PALM2AKAP2: variants seen among roughly 807,000 people sequenced by gnomAD.
PALM2AKAP2 encodes PALM2 and AKAP2 fusion.
Under a neutral mutation model 71.5 loss-of-function variants are expected in PALM2AKAP2, and 37 were observed. The observed-to-expected ratio is 0.52, with a 90% CI of 0.40 to 0.68. The LOEUF is 0.68. PALM2AKAP2 is among the 30% of genes least tolerant of loss of function. The pLI, the probability that PALM2AKAP2 is intolerant of heterozygous loss-of-function variation, is 0.00. For synonymous variants in PALM2AKAP2, 468 were observed against 478.8 expected, an observed-to-expected ratio of 0.98 and a Z score of 0.29; for missense variants, 1,224 against 1,191.8, an observed-to-expected ratio of 1.03 and a Z score of -0.40.
At chr9:109,910,672 G>T (rs1325860001) in intron 3 of PALM2AKAP2, among the ~76,000 whole-genome samples, 2 of 152,218 alleles carry the variant, frequency 1.3e-5, no homozygotes, top group East Asian at 3.8e-4. Flanking sequence ...AGCAGACGCA[G>T]CAGGGCATGA....
chr9:109,994,253 G>A (rs1832533777), intron 6 of PALM2AKAP2, among the ~76,000 whole-genome samples: 1 of 152,208 alleles, frequency 6.6e-6, no homozygotes, highest in African/African-American at 2.4e-5. Context: ...AGATGAATTT[G>A]CACATGACGG....
chr9:110,115,306 G>C (rs1835339299), intron 1 of PALM2AKAP2, among the ~76,000 whole-genome samples: 1 of 152,232 alleles, frequency 6.6e-6, no homozygotes, highest in African/African-American at 2.4e-5. Context: ...GTCAGAACCA[G>C]GGTCAGGTCG....
At chr9:109,910,791 C>G (rs779367937) in intron 3 of PALM2AKAP2, among the ~76,000 whole-genome samples, 1 of 151,976 alleles carries the variant, frequency 6.6e-6, no homozygotes, top group Non-Finnish European at 1.5e-5. Context: ...GGAGCAGACG[C>G]AGCAGGGCGG....
chr9:110,133,959 A>G (rs1197752871), intron 1 of PALM2AKAP2, among the ~76,000 whole-genome samples: 1 of 152,218 alleles, frequency 6.6e-6, no homozygotes, highest in Non-Finnish European at 1.5e-5. Context: ...AGTTACTGAC[A>G]ATGTCTCATC....
At chr9:110,135,164 A>AAAATAT in intron 1 of PALM2AKAP2, among the ~76,000 whole-genome samples, 8 of 51,714 alleles carry the variant, frequency 1.5e-4, no homozygotes, top group Admixed American at 4.3e-4. Context: ...AAAAAAAAAA[A>AAAATAT]ATATATAAAT....
intron 1 of PALM2AKAP2, among the ~76,000 whole-genome samples, chr9:109,802,100 T>C (rs941698778): frequency 2.6e-5 from 4 of 152,216 alleles, no homozygotes; most frequent in Non-Finnish European, 5.9e-5. Flanking sequence ...TTCTTCTCAC[T>C]GTGGGATGGA....
chr9:109,715,548 A>G (rs1046431227), intron 1 of PALM2AKAP2, among the ~76,000 whole-genome samples: 1 of 152,174 alleles, frequency 6.6e-6, no homozygotes, highest in African/African-American at 2.4e-5. Context: ...CCAGCCGCTC[A>G]GCCTGCTGTC....
intron 1 of PALM2AKAP2, among the ~76,000 whole-genome samples, chr9:110,052,149 G>A (rs555785228): frequency 6.2e-4 from 94 of 152,214 alleles, no homozygotes; most frequent in South Asian, 2.1e-3. Context: ...TGATCTGCCC[G>A]CCTCGGCCTC....
At position 109,991,244 on chromosome 9, in the gene PALM2AKAP2, C is replaced by CT. The variant is rs956877791; in HGVS notation, c.497-24700dup. 3.3e-4 allele frequency among the ~76,000 whole-genome samples: 46 copies of CT among 137,614 alleles called. 1 individual carries two copies. The highest frequency in any genetic ancestry group is 5.1e-4 in the Admixed American group (7 of 13,716). The allele number at this position is 137,614 out of a possible 152,430, so 90.3% of individuals were successfully genotyped here. A position where few individuals can be genotyped will look rare whatever the true frequency, so the allele number is the denominator to read the frequency against. ...TAACCATCATCACATTTTTTTTTTT[C>CT]TTTTTTTTTTAAGACAGAGTCTCCC... On this transcript the variant is annotated intron_variant, in intron 6 of 9. Transcript: ENST00000302798.
In PALM2AKAP2 at chr9:109,783,962, T is replaced by C. The variant is rs1826894294; in HGVS notation, c.45+3429T>C. ...AAACTACAGTGCTTTAATGGAATCTTCCATTTGGATCCAGGAACTAATCAA... is the reference window on the plus strand; with the variant it reads ...AAACTACAGTGCTTTAATGGAATCTCCCATTTGGATCCAGGAACTAATCAA... On this transcript the variant is annotated intron_variant, in intron 1 of 9. Transcript: ENST00000302798. 3.9e-5 allele frequency among the ~76,000 whole-genome samples: 6 copies of C among 152,216 alleles called. No individual in the cohort carries two copies. The South Asian group carries it at 1.0e-3, about 26-fold the overall frequency.
intron 1 of PALM2AKAP2, among the ~76,000 whole-genome samples, chr9:109,855,622 A>G (rs1299943263): frequency 6.6e-6 from 1 of 152,198 alleles, no homozygotes; most frequent in Non-Finnish European, 1.5e-5. Flanking sequence ...GACAATCACT[A>G]TATTTTCTCA....
At chr9:109,651,056 A>T (rs13440038) in intron 1 of PALM2AKAP2, among the ~76,000 whole-genome samples, 12,759 of 151,888 alleles carry the variant, frequency 0.084, 640 homozygotes, top group East Asian at 0.23. Context: ...TCCATTTTCT[A>T]CCCTTCCCTG....
chr9:110,037,665 T>C (rs1001760818), intron 7 of PALM2AKAP2, among the ~76,000 whole-genome samples: 4 of 152,206 alleles, frequency 2.6e-5, no homozygotes, highest in African/African-American at 9.6e-5. Flanking sequence ...AAGATGGTGA[T>C]TAATGCTCTG....
rs116202384 is a variant in PALM2AKAP2, at chr9:109,931,800, T to C, written c.395-127T>C. On this transcript the variant is annotated intron_variant, in intron 5 of 9. Transcript: ENST00000302798. ...GGCAAATGCTTGTCTTTGTTTACCC[T>C]GATCCTCCTGTTCAGTGGCCGCCTC... The C allele has an allele frequency of 1.8e-4, 186 of 1,022,844 alleles. 3 individuals carry two copies. In the East Asian group the frequency reaches 4.0e-3, roughly 22 times the overall value. 63.4% of individuals were successfully genotyped at this position (1,022,844 alleles called of 1,614,324 possible).
At chr9:110,168,217 T>A (rs1836781668) in intron 3 of PALM2AKAP2, among the ~76,000 whole-genome samples, 182 bp from the exon 11 acceptor site, 3 of 152,232 alleles carry the variant, frequency 2.0e-5, no homozygotes, top group African/African-American at 7.2e-5. Context: ...GGCTGTGAGA[T>A]GAATGCATAA....
At chr9:110,164,641 A>C (rs942862057) in intron 3 of PALM2AKAP2, among the ~76,000 whole-genome samples, 6 of 149,700 alleles carry the variant, frequency 4.0e-5, no homozygotes, top group African/African-American at 1.5e-4. Flanking sequence ...GGCGAGTCTC[A>C]TGCCTCAACC....
intron 1 of PALM2AKAP2, among the ~76,000 whole-genome samples, chr9:110,086,762 T>C (rs1324412752): frequency 6.6e-6 from 1 of 152,240 alleles, no homozygotes; most frequent in Non-Finnish European, 1.5e-5. Flanking sequence ...GTCTCAAGTG[T>C]TATGTACTTT....
chr9:109,929,928 T>C (rs1831055158), intron 5 of PALM2AKAP2, among the ~76,000 whole-genome samples: 1 of 146,324 alleles, frequency 6.8e-6, no homozygotes, highest in African/African-American at 2.5e-5. Flanking sequence ...TGGAGAATAA[T>C]GCACAACTTC....
chr9:109,841,515 T>TTAA (rs1554719649), intron 1 of PALM2AKAP2, among the ~76,000 whole-genome samples: 1 of 18,706 alleles, frequency 5.3e-5, no homozygotes, highest in African/African-American at 2.7e-4. Flanking sequence ...TAAAGTATAA[T>TTAA]AAAAAAAAAA....
Sources: gnomAD v4.1 joint callset for allele counts (sites outside exome capture counted in the v4.1 genomes callset) on GRCh38, gnomAD v4.1.1 for gene constraint, MANE v1.5 for transcripts, NCBI Gene and HGNC (gene_info 2026-07-23, HGNC 2026-07-21) for gene names.